The following ZEB2 variants were observed in gnomAD, a reference collection of about 807,000 sequenced individuals.
ZEB2 encodes the protein zinc finger E-box binding homeobox 2.
ZEB2 carries 6 observed loss-of-function variants against 99.9 expected under a neutral mutation model. The ratio of observed to expected loss-of-function variants is 0.06; its 90% CI spans 0.03 to 0.12. The LOEUF (loss-of-function observed/expected upper bound fraction) is 0.12. Ranked by LOEUF, ZEB2 falls within the 10% of genes least tolerant of loss-of-function variation. The probability of loss-of-function intolerance (pLI) is 1.00; values close to 1 mark genes in which losing one functional copy is unlikely to be tolerated. For missense variants in ZEB2, 969 were observed against 1,502.8 expected (o/e 0.64, Z 5.87); for synonymous variants, 517 against 542.5 (o/e 0.95, Z 0.65).
intron 3 of ZEB2, chr2:144,427,218 T>A (rs1206454079): frequency 5.9e-5 from 9 of 152,204 alleles, no homozygotes; most frequent in Non-Finnish European, 4.4e-5. Context: ...TTTAAGTCTG[T>A]GTCAATGATA....
At chr2:144,439,176 C>T (rs969239596) in intron 2 of ZEB2, among the ~76,000 whole-genome samples, 1 of 150,030 alleles carries the variant, frequency 6.7e-6, no homozygotes, top group African/African-American at 2.4e-5. Context: ...CTCAACTGTT[C>T]TGAGGTACCA....
In ZEB2 at chr2:144,403,999, A is replaced by G. The variant is rs1389277455; in HGVS notation, c.724T>C (p.Ser242Pro). The G allele has an allele frequency of 6.2e-7, 1 of 1,614,146 alleles. No individual in the cohort carries two copies. The highest frequency in any genetic ancestry group is 8.5e-7 in the Non-Finnish European group (1 of 1,180,020). The change falls in exon 6 of 10, where the codon TCC (serine) becomes CCC (proline). Residue 242 changes from serine to proline, a missense_variant. Ser to Pro is a moderately conservative substitution (Grantham distance 74). Coordinates refer to ENST00000627532, the MANE Select transcript of ZEB2 (RefSeq NM_014795.4). ...YRHEKNEENF[S>P]CPLCSYTFAY... ...AACGTGTAGCTACAGAGAGGGCAGG[A>G]AAAGTTCTCTTCATTCTTCTCGTGG...
chr2:144,511,897 C>T (rs1227331305), intron 2 of ZEB2: 2 of 1,287,148 alleles, frequency 1.6e-6, no homozygotes, highest in Non-Finnish European at 2.0e-6. Flanking sequence ...GGCTAAAAAG[C>T]ATATTTGGGC....
intron 2 of ZEB2, among the ~76,000 whole-genome samples, chr2:144,468,636 T>C (rs796508817): frequency 6.6e-5 from 10 of 151,818 alleles, no homozygotes; most frequent in African/African-American, 1.9e-4. Context: ...TGCATGTGTG[T>C]GTACATGCAC....
intron 2 of ZEB2, among the ~76,000 whole-genome samples, chr2:144,490,527 CACTT>C (rs1317601584): frequency 1.3e-5 from 2 of 152,162 alleles, no homozygotes; most frequent in Admixed American, 6.5e-5. Flanking sequence ...ATTATAATGA[CACTT>C]ACTACTAACA....
At chr2:144,513,704 A>G in intron 2 of ZEB2, 1 of 1,535,920 alleles carries the variant, frequency 6.5e-7, no homozygotes, top group Non-Finnish European at 8.7e-7. Context: ...TCAGGGGCAA[A>G]AGCAACAAAC....
chr2:144,478,884 T>C (rs1384822936), intron 2 of ZEB2, among the ~76,000 whole-genome samples: 1 of 152,236 alleles, frequency 6.6e-6, no homozygotes, highest in Non-Finnish European at 1.5e-5. Context: ...AGTATCAATA[T>C]GTTAGCCCAT....
rs115627322 is a variant in ZEB2 at position 144,407,133 on chromosome 2, G to A, written c.404-2109C>T. ...ATATGGGACCAAATAAAAGGAAGTG[G>A]GAGAATTACACTATGTGGACCACTA... On this transcript the variant is annotated intron_variant, in intron 4 of 9. Coordinates refer to ENST00000627532, the MANE Select transcript of ZEB2 (RefSeq NM_014795.4). 7.4e-3 allele frequency among the ~76,000 whole-genome samples: 1,120 copies of A among 152,194 alleles called. 17 individuals carry two copies. The highest frequency in any genetic ancestry group is 0.026 in the African/African-American group (1,073 of 41,514).
chr2:144,402,023 C>T (rs995494214), intron 6 of ZEB2, among the ~76,000 whole-genome samples: 3 of 152,146 alleles, frequency 2.0e-5, no homozygotes, highest in African/African-American at 7.2e-5. Flanking sequence ...GCAGTTTTAT[C>T]ACAGGCCAGT....
At chr2:144,451,325 GAA>G (rs1441270553) in intron 2 of ZEB2, among the ~76,000 whole-genome samples, 3 of 152,120 alleles carry the variant, frequency 2.0e-5, no homozygotes, top group Non-Finnish European at 2.9e-5. Flanking sequence ...GTCCAGTGCA[GAA>G]AAGATTTTTC....
At chr2:144,442,248 T>C (rs906763221) in intron 2 of ZEB2, among the ~76,000 whole-genome samples, 24 of 152,358 alleles carry the variant, frequency 1.6e-4, no homozygotes, top group Admixed American at 2.6e-4. Flanking sequence ...ATCACTTTTG[T>C]ATTGAGCCCA....
intron 2 of ZEB2, among the ~76,000 whole-genome samples, chr2:144,497,269 C>T (rs1287879635): frequency 6.6e-6 from 1 of 152,162 alleles, no homozygotes; most frequent in Admixed American, 6.5e-5. Flanking sequence ...CTTTGTGGCA[C>T]TTGCCACATT....
intron 2 of ZEB2, chr2:144,455,276 C>T (rs1293380508): frequency 2.0e-5 from 3 of 152,136 alleles, no homozygotes; most frequent in Non-Finnish European, 4.4e-5. Flanking sequence ...AACCAGGAAC[C>T]GCTTTTGATT....
chr2:144,418,199 T>C (rs1703568573), intron 4 of ZEB2, among the ~76,000 whole-genome samples: 1 of 152,212 alleles, frequency 6.6e-6, no homozygotes, highest in Non-Finnish European at 1.5e-5. Flanking sequence ...CTGAAAATAA[T>C]GTGTCCTACA....
At chr2:144,492,764 G>A (rs1306374702) in intron 2 of ZEB2, among the ~76,000 whole-genome samples, 1 of 152,162 alleles carries the variant, frequency 6.6e-6, no homozygotes, top group African/African-American at 2.4e-5. Context: ...GTCACAAAGT[G>A]AATTTCAAAA....
In ZEB2 at chr2:144,517,324, G is replaced by A. The variant is rs1312319402; in HGVS notation, c.27C>T (p.Gly9=). The change falls in exon 2 of 10, where the codon GGC becomes GGT. Residue 9 remains glycine, a synonymous_variant. Transcript: ENST00000627532. MKQPIMAD[G]PRCKRRKQAN... is the part of the protein sequence containing the mutation. ...CTTGTTTGCGCCTCTTGCACCGGGGGCCATCCGCCATGATCGGCTGCTTCA... is the reference window on the plus strand; with the variant it reads ...CTTGTTTGCGCCTCTTGCACCGGGGACCATCCGCCATGATCGGCTGCTTCA... 2.5e-6 allele frequency: 4 copies of A among 1,613,526 alleles called. No individual in the cohort carries two copies. Among genetic ancestry groups the A allele is most frequent in the Non-Finnish European group, 1.7e-6 (2 of 1,179,842 alleles).
At chr2:144,463,867 A>G (rs1380712832) in intron 2 of ZEB2, 1 of 151,770 alleles carries the variant, frequency 6.6e-6, no homozygotes, top group African/African-American at 2.4e-5. Context: ...AAACAAAAAA[A>G]GAAAGACAGA....
chr2:144,489,387 C>T (rs1704644743), intron 2 of ZEB2, among the ~76,000 whole-genome samples: 1 of 152,036 alleles, frequency 6.6e-6, no homozygotes, highest in Admixed American at 6.6e-5. Context: ...AACATATTAG[C>T]TCTTTTCCCT....
intron 1 of ZEB2, among the ~76,000 whole-genome samples, chr2:144,519,018 G>A (rs190028603): frequency 9.2e-5 from 14 of 152,226 alleles, no homozygotes; most frequent in Non-Finnish European, 1.5e-4. Context: ...CAGTAGGTGG[G>A]AGATAAACAC....
Sources: gnomAD v4.1 joint callset for allele counts (sites outside exome capture counted in the v4.1 genomes callset) on GRCh38, gnomAD v4.1.1 for gene constraint, MANE v1.5 for transcripts, NCBI Gene and HGNC (gene_info 2026-07-23, HGNC 2026-07-21) for gene names.